The following SAMMSON variants were observed in gnomAD, a reference collection of about 807,000 sequenced individuals.
The protein encoded by SAMMSON is survival associated mitochondrial melanoma specific oncogenic non-coding RNA, also known as long intergenic non-protein coding RNA 1212.
At chr3:70,171,420 T>TA (rs34713123) in intron 4 of SAMMSON, among the ~76,000 whole-genome samples, 8 of 151,856 alleles carry the variant, frequency 5.3e-5, no homozygotes, top group East Asian at 1.9e-4. Flanking sequence ...AATATAAGTT[T>TA]AAAAAAATCT....
At chr3:70,253,387 G>C (rs1701787539) in intron 6 of SAMMSON, among the ~76,000 whole-genome samples, 1 of 152,192 alleles carries the variant, frequency 6.6e-6, no homozygotes, top group Non-Finnish European at 1.5e-5. Flanking sequence ...GGATAAAGTA[G>C]AGAGTGGATG....
At chr3:70,192,508 A>C (rs1701138349) in intron 4 of SAMMSON, among the ~76,000 whole-genome samples, 1 of 152,168 alleles carries the variant, frequency 6.6e-6, no homozygotes, top group African/African-American at 2.4e-5. Context: ...GTCTTAAATT[A>C]CACCACATTG....
chr3:70,146,711 T>C (rs185794885), intron 4 of SAMMSON, among the ~76,000 whole-genome samples: 24 of 152,086 alleles, frequency 1.6e-4, no homozygotes, highest in Admixed American at 9.8e-4. Context: ...ACAACCTACT[T>C]AAGAGGCTGT....
chr3:70,101,817 A>G (rs1382566428), intron 4 of SAMMSON, among the ~76,000 whole-genome samples: 1 of 152,110 alleles, frequency 6.6e-6, no homozygotes, highest in Admixed American at 6.6e-5. Flanking sequence ...TGAAAAATCA[A>G]TTAATAACGA....
chr3:70,090,463 G>C (rs1188091949), intron 4 of SAMMSON, among the ~76,000 whole-genome samples: 2 of 152,174 alleles, frequency 1.3e-5, no homozygotes, highest in African/African-American at 4.8e-5. Context: ...GTGTTTTTAA[G>C]ATATAGTTTG....
chr3:70,180,529 G>T (rs1701044432), intron 4 of SAMMSON, among the ~76,000 whole-genome samples: 2 of 151,934 alleles, frequency 1.3e-5, no homozygotes, highest in Non-Finnish European at 2.9e-5. Flanking sequence ...AGAAACCTAA[G>T]AACTGAAACC....
chr3:70,312,276 C>G (rs574297253), intron 7 of SAMMSON, among the ~76,000 whole-genome samples: 6 of 152,218 alleles, frequency 3.9e-5, no homozygotes, highest in African/African-American at 1.4e-4. Context: ...TTGTAAGAAA[C>G]AAACAAACAT....
intron 6 of SAMMSON, among the ~76,000 whole-genome samples, chr3:70,254,965 T>C (rs1701801348): frequency 6.6e-6 from 1 of 152,236 alleles, no homozygotes; most frequent in Admixed American, 6.5e-5. Flanking sequence ...TGTGCAATAA[T>C]GTATTTGACC....
At chr3:70,187,014 G>T (rs1414755971) in intron 4 of SAMMSON, among the ~76,000 whole-genome samples, 1 of 152,206 alleles carries the variant, frequency 6.6e-6, no homozygotes, top group Non-Finnish European at 1.5e-5. Context: ...TGGACTGGCT[G>T]CTGGAAGAAA....
chr3:70,424,889 G>GTA (rs1409408345), intron 2 of SAMMSON: 1 of 152,074 alleles, frequency 6.6e-6, no homozygotes, highest in East Asian at 1.9e-4. Flanking sequence ...TCCAGACATT[G>GTA]TACCTCGAGG....
rs139879568 is a variant in SAMMSON, at chr3:70,249,872, C to T, written n.674+202C>T. On this transcript the variant is annotated intron_variant and non_coding_transcript_variant, in intron 6 of 9. Transcript: ENST00000642114. ...ATGCTGAAATTCCTTTATTTGCTAA[C>T]GTTAATAAAAAAATTCTTGAGGGGG... 4.0e-3 allele frequency among the ~76,000 whole-genome samples: 604 copies of T among 152,080 alleles called. 1 individual carries two copies. The highest frequency in any genetic ancestry group is 6.5e-3 in the Non-Finnish European group (440 of 67,976).
At chr3:70,106,976 A>G (rs1286822966) in intron 4 of SAMMSON, among the ~76,000 whole-genome samples, 1 of 152,182 alleles carries the variant, frequency 6.6e-6, no homozygotes, top group Admixed American at 6.5e-5. Flanking sequence ...GACATCCACA[A>G]CTCACATTGC....
chr3:70,362,721 C>T (rs1480555599), intron 9 of SAMMSON, among the ~76,000 whole-genome samples: 1 of 151,438 alleles, frequency 6.6e-6, no homozygotes, highest in Non-Finnish European at 1.5e-5. Context: ...TGCTTCTTAC[C>T]TACATATTCT....
chr3:70,391,582 A>G (rs1339230359), downstream of SAMMSON, among the ~76,000 whole-genome samples: 1 of 152,120 alleles, frequency 6.6e-6, no homozygotes, highest in Admixed American at 6.6e-5. Context: ...TGTGTTCACT[A>G]TAACCAATGT....
At chr3:70,045,699 A>G (rs1377103471) in intron 3 of SAMMSON, among the ~76,000 whole-genome samples, 1 of 152,070 alleles carries the variant, frequency 6.6e-6, no homozygotes, top group East Asian at 1.9e-4. Flanking sequence ...AATTGCATAT[A>G]TTAAATGCAC....
intron 4 of SAMMSON, among the ~76,000 whole-genome samples, chr3:70,105,415 C>G (rs781163115): frequency 1.3e-5 from 2 of 152,088 alleles, no homozygotes; most frequent in African/African-American, 4.8e-5. Context: ...GTACATAGAA[C>G]GGTTTTATTT....
Position 70,418,832 on chromosome 3 carries a change from C to G in SAMMSON, n.234-43728C>G, listed in dbSNP as rs187549202. 6.4e-4 allele frequency among the ~76,000 whole-genome samples: 97 copies of G among 152,292 alleles called. 2 individuals are homozygous for G. Among genetic ancestry groups the G allele is most frequent in the Non-Finnish European group, 2.9e-5 (2 of 68,034 alleles). On this transcript the variant is annotated intron_variant and non_coding_transcript_variant, in intron 2 of 3. Coordinates refer to the SAMMSON transcript ENST00000641053. Reference sequence around the variant, plus strand: ...AAAGAGGTAGTGAGCTATCATTCTTCTCTTAATTGCAAGTCAAAAATATTA... The same window carrying G: ...AAAGAGGTAGTGAGCTATCATTCTTGTCTTAATTGCAAGTCAAAAATATTA...
chr3:70,103,164 C>G (rs528949011), intron 4 of SAMMSON, among the ~76,000 whole-genome samples: 1 of 152,114 alleles, frequency 6.6e-6, no homozygotes, highest in Non-Finnish European at 1.5e-5. Flanking sequence ...TGCAGGCCCA[C>G]GGTTACCTGA....
chr3:70,197,964 C>T (rs1036515759), intron 4 of SAMMSON, among the ~76,000 whole-genome samples: 1 of 152,040 alleles, frequency 6.6e-6, no homozygotes, highest in Non-Finnish European at 1.5e-5. Flanking sequence ...AATTTCTAGC[C>T]AAACAGCTGT....
Sources: allele counts gnomAD v4.1 joint callset (sites outside exome capture counted in the v4.1 genomes callset), GRCh38; gene constraint gnomAD v4.1.1; transcripts MANE v1.5; gene names NCBI Gene and HGNC (gene_info 2026-07-23, HGNC 2026-07-21).